Variants in TRAF3 observed in about 807,000 individuals in gnomAD.
TRAF3 encodes the protein TNF receptor associated factor 3.
A neutral mutation model predicts 62.3 loss-of-function variants in TRAF3; 13 were observed. That is an observed-to-expected ratio of 0.21 (90% CI 0.14 to 0.33). The LOEUF (loss-of-function observed/expected upper bound fraction) is 0.33. Ranked by LOEUF, TRAF3 falls within the 10% of genes least tolerant of loss-of-function variation. The probability of loss-of-function intolerance (pLI) is 1.00; values close to 1 mark genes in which losing one functional copy is unlikely to be tolerated. For synonymous variants in TRAF3, 269 were observed against 283.4 expected (o/e 0.95, Z 0.51); for missense variants, 440 against 741.8 (o/e 0.59, Z 4.73).
chr14:102,779,932 G>C (rs897516935), intron 1 of TRAF3, among the ~76,000 whole-genome samples: 1 of 152,216 alleles, frequency 6.6e-6, no homozygotes, highest in African/African-American at 2.4e-5. Context: ...GCGACGTCTC[G>C]TGGCCAAGGC....
intron 2 of TRAF3, among the ~76,000 whole-genome samples, chr14:102,866,531 C>T (rs534918874): frequency 1.3e-5 from 2 of 152,134 alleles, no homozygotes; most frequent in East Asian, 1.9e-4. Flanking sequence ...ATCAATATTA[C>T]GAGACAGGAA....
At chr14:102,899,477 CT>C (rs1284554617) in intron 10 of TRAF3, among the ~76,000 whole-genome samples, 5 of 152,182 alleles carry the variant, frequency 3.3e-5, no homozygotes, top group Non-Finnish European at 7.3e-5. Context: ...ACCTCTGTGC[CT>C]GGCCACCGGT....
rs149588674 is a variant in TRAF3, at chr14:102,802,525, G to A, written c.-157+24850G>A. ...GGTGGCTGTATTAGTCCAATTTCAC[G>A]CTGCTATGAAAAAATACCTGAGGCT... On this transcript the variant is annotated intron_variant, in intron 1 of 11. Coordinates refer to ENST00000392745, the MANE Select transcript of TRAF3 (RefSeq NM_145725.3). Among the ~76,000 whole-genome samples the A allele has an allele frequency of 7.1e-3, 1,057 of 148,436 alleles. 20 individuals carry two copies. The highest frequency in any genetic ancestry group is 0.025 in the African/African-American group (1,000 of 40,786).
At chr14:102,886,562 A>T (rs1398526040) in intron 7 of TRAF3, among the ~76,000 whole-genome samples, 4 of 152,058 alleles carry the variant, frequency 2.6e-5, no homozygotes, top group Non-Finnish European at 4.4e-5. Context: ...TCAGAACCAG[A>T]CTGGCCAATG....
intron 1 of TRAF3, among the ~76,000 whole-genome samples, chr14:102,784,554 A>G (rs544818444): frequency 6.6e-5 from 10 of 152,088 alleles, no homozygotes; most frequent in Admixed American, 1.3e-4. Flanking sequence ...GCTAGGGTCA[A>G]TTGAGAATTA....
At position 102,882,267 on chromosome 14, in the gene TRAF3, G is replaced by A. The variant is rs368291231; in HGVS notation, c.571-3922G>A. On this transcript the variant is annotated intron_variant, in intron 6 of 11. Transcript: ENST00000392745. ...TGATAATGAGTTTGGGGCCTGATTT[G>A]TGCAAACATTCCTTATAAATTGCAC... Among the ~76,000 whole-genome samples the A allele has an allele frequency of 7.0e-4, 106 of 152,326 alleles. No homozygotes were observed. In the South Asian group the frequency reaches 1.0e-2, roughly 14 times the overall value.
chr14:102,886,109 G>A, intron 6 of TRAF3, 80 bp from the exon 7 acceptor site: 1 of 1,457,148 alleles, frequency 6.9e-7, no homozygotes, highest in Non-Finnish European at 9.5e-7. Flanking sequence ...GCCATTCCTG[G>A]GGGCCCCATG....
intron 1 of TRAF3, among the ~76,000 whole-genome samples, chr14:102,813,956 G>A (rs1474018506): frequency 6.6e-6 from 1 of 152,058 alleles, no homozygotes; most frequent in Non-Finnish European, 1.5e-5. Context: ...TGTTGTCCGT[G>A]CTTTTCAGTT....
intron 2 of TRAF3, among the ~76,000 whole-genome samples, chr14:102,848,969 G>T (rs1455808017): frequency 6.6e-6 from 1 of 151,986 alleles, no homozygotes; most frequent in African/African-American, 2.4e-5. Flanking sequence ...TTTTCCTTTT[G>T]TCTTTTTTAT....
Position 102,793,706 on chromosome 14 carries a change from T to C in TRAF3, c.-157+16031T>C, listed in dbSNP as rs142593361. The stretch of plus-strand genomic sequence containing the variant: ...ATCATGGCTGATAGCACACCACCAG[T>C]GCAGGATCAGGGAAGGGAACTCTAT... On this transcript the variant is annotated intron_variant, in intron 1 of 11. Coordinates refer to ENST00000392745, the MANE Select transcript of TRAF3 (RefSeq NM_145725.3). Among the ~76,000 whole-genome samples the C allele has an allele frequency of 4.2e-3, 634 of 152,264 alleles. 3 individuals are homozygous for C. The highest frequency in any genetic ancestry group is 0.011 in the African/African-American group (470 of 41,542).
chr14:102,801,557 C>T (rs1898412565), intron 1 of TRAF3, among the ~76,000 whole-genome samples: 1 of 151,978 alleles, frequency 6.6e-6, no homozygotes, highest in African/African-American at 2.4e-5. Flanking sequence ...TGTTTTGAGA[C>T]AGTGTCTCAC....
rs190293977 is a variant in TRAF3, at chr14:102,802,300, G to A, written c.-157+24625G>A. On this transcript the variant is annotated intron_variant, in intron 1 of 11. Transcript: ENST00000392745. ...CTCCCGAGTAGTTGGGACTGCAGGC[G>A]CCCGCCACCATGCCTGGCTAATTTT... is the stretch of plus-strand genomic sequence containing the variant. 4.4e-3 allele frequency among the ~76,000 whole-genome samples: 551 copies of A among 125,990 alleles called. 4 individuals are homozygous for A. The highest frequency in any genetic ancestry group is 6.7e-3 in the Non-Finnish European group (407 of 60,388). The allele number at this position is 125,990 out of a possible 152,430, so 82.7% of individuals were successfully genotyped here.
At chr14:102,840,566 T>C (rs1886318168) in intron 2 of TRAF3, among the ~76,000 whole-genome samples, 1 of 152,194 alleles carries the variant, frequency 6.6e-6, no homozygotes, top group Admixed American at 6.5e-5. Flanking sequence ...TCAGTATTAA[T>C]GATTTTTCTT....
chr14:102,863,185 T>C (rs1373182088), intron 2 of TRAF3, among the ~76,000 whole-genome samples: 3 of 152,230 alleles, frequency 2.0e-5, no homozygotes, highest in Non-Finnish European at 4.4e-5. Context: ...GCATGCCTTG[T>C]GATATTTTGT....
chr14:102,819,401 C>G (rs1899757108), intron 1 of TRAF3, among the ~76,000 whole-genome samples: 1 of 152,230 alleles, frequency 6.6e-6, no homozygotes, highest in African/African-American at 2.4e-5. Context: ...ACGGTCTTCC[C>G]CTCCATGAGG....
intron 1 of TRAF3, among the ~76,000 whole-genome samples, chr14:102,792,290 G>A (rs1016528476): frequency 2.0e-5 from 3 of 151,256 alleles, no homozygotes; most frequent in African/African-American, 7.3e-5. Flanking sequence ...GCCACACCCT[G>A]CTAATTTTTT....
At chr14:102,808,308 T>C (rs1220078538) in intron 1 of TRAF3, among the ~76,000 whole-genome samples, 4 of 150,568 alleles carry the variant, frequency 2.7e-5, no homozygotes, top group Non-Finnish European at 4.4e-5. Context: ...AGGTCAGGAG[T>C]TTGAGACTAG....
At position 102,834,779 on chromosome 14, in the gene TRAF3, C is replaced by T. The variant is rs538226021; in HGVS notation, c.-18+4307C>T. Among the ~76,000 whole-genome samples the T allele has an allele frequency of 2.6e-5, 4 of 151,604 alleles. No homozygotes were observed. The South Asian group carries it at 8.3e-4, about 32-fold the overall frequency. On this transcript the variant is annotated intron_variant, in intron 2 of 11. Transcript: ENST00000392745. ...TGGATTAAAGACTGAAATGTAAAAC[C>T]CAAAACTATAAAAACCCTGCAAGAC...
At chr14:102,894,084 T>C (rs765821802) in intron 9 of TRAF3, among the ~76,000 whole-genome samples, 16 of 152,110 alleles carry the variant, frequency 1.1e-4, no homozygotes, top group Non-Finnish European at 2.2e-4. Flanking sequence ...CCTAGCACTT[T>C]GGGAGGCCGA....
Sources: gnomAD v4.1 joint callset for allele counts (sites outside exome capture counted in the v4.1 genomes callset) on GRCh38, gnomAD v4.1.1 for gene constraint, MANE v1.5 for transcripts, NCBI Gene and HGNC (gene_info 2026-07-23, HGNC 2026-07-21) for gene names.